Variants in PTH2R observed in about 807,000 individuals in gnomAD.
PTH2R encodes parathyroid hormone 2 receptor, also known as PTH2 receptor.
A neutral mutation model predicts 60.3 loss-of-function variants in PTH2R; 59 were observed. That is an observed-to-expected ratio of 0.98 (90% CI 0.79 to 1.22). The LOEUF is 1.22. PTH2R is among the 50% of genes most tolerant of loss of function. PTH2R has a pLI of 0.00. For synonymous variants in PTH2R, 256 were observed against 243.8 expected (o/e 1.05, Z -0.47); for missense variants, 749 against 682.6 (o/e 1.10, Z -1.08).
chr2:208,477,988 C>G (rs532516000), intron 9 of PTH2R, among the ~76,000 whole-genome samples: 24 of 60,354 alleles, frequency 4.0e-4, no homozygotes, highest in African/African-American at 7.4e-4. Context: ...AGCACTACTA[C>G]TAGTACTAGT....
chr2:208,373,339 A>G (rs889032738), intron 1 of PTH2R, among the ~76,000 whole-genome samples: 7 of 152,232 alleles, frequency 4.6e-5, no homozygotes, highest in African/African-American at 1.4e-4. Flanking sequence ...CTGAAAAATA[A>G]AAGCAATGAA....
chr2:208,451,765 A>G (rs1702412386), intron 8 of PTH2R, among the ~76,000 whole-genome samples: 2 of 152,174 alleles, frequency 1.3e-5, no homozygotes, highest in Non-Finnish European at 2.9e-5. Flanking sequence ...GGTAGCATGG[A>G]GCTAATTTAA....
chr2:208,456,314 A>C (rs1702514010), intron 8 of PTH2R, among the ~76,000 whole-genome samples: 1 of 152,220 alleles, frequency 6.6e-6, no homozygotes, highest in South Asian at 2.1e-4. Context: ...TAAATTAAAA[A>C]GTGAGCAATT....
intron 9 of PTH2R, among the ~76,000 whole-genome samples, chr2:208,461,023 G>T (rs757123201): frequency 1.3e-5 from 2 of 152,048 alleles, no homozygotes; most frequent in Non-Finnish European, 2.9e-5. Context: ...TAGGAAAAAT[G>T]CATAAAGAAA....
intron 1 of PTH2R, among the ~76,000 whole-genome samples, chr2:208,363,804 C>T (rs1700527653): frequency 2.0e-5 from 3 of 152,132 alleles, no homozygotes; most frequent in African/African-American, 7.2e-5. Flanking sequence ...TTGTTGGCCG[C>T]ATGTGTCTTC....
At chr2:208,438,778 T>TG (rs1191775925) in intron 4 of PTH2R, among the ~76,000 whole-genome samples, 1 of 151,884 alleles carries the variant, frequency 6.6e-6, no homozygotes, top group Non-Finnish European at 1.5e-5. Context: ...TTTGGGGAGG[T>TG]GGGGGGAGAA....
rs760647861 is a variant in PTH2R at position 208,490,680 on chromosome 2, G to A, written c.1257G>A (p.Glu419=). Residue 419 remains glutamate (E), a splice_region_variant and synonymous_variant, in exon 12 of 13, where the codon GAG becomes GAA. Transcript: ENST00000272847. ...TCATCTACTGCTACTGCAATGGAGA[G>A]GTAGGTTTGTAGGAACCTTGGACAG... The part of the protein sequence containing the change: ...VSIIYCYCNG[E]VQAEVKKMWS... 6.2e-7 allele frequency: 1 copy of A among 1,608,228 alleles called. No homozygotes were observed. The highest frequency in any genetic ancestry group is 1.1e-5 in the South Asian group (1 of 89,850).
chr2:208,376,432 A>G (rs1186797388), intron 1 of PTH2R, among the ~76,000 whole-genome samples: 2 of 152,124 alleles, frequency 1.3e-5, no homozygotes, highest in Non-Finnish European at 2.9e-5. Context: ...GTTGGCAAAT[A>G]TGTGATTTTC....
intron 1 of PTH2R, among the ~76,000 whole-genome samples, chr2:208,369,385 T>TA (rs1427195361): frequency 2.0e-5 from 3 of 151,086 alleles, no homozygotes; most frequent in African/African-American, 7.3e-5. Flanking sequence ...TTTTTTTTTT[T>TA]AGAAGGAATC....
chr2:208,409,224 C>A (rs968853973), intron 1 of PTH2R, among the ~76,000 whole-genome samples: 6 of 152,150 alleles, frequency 3.9e-5, no homozygotes, highest in Non-Finnish European at 7.3e-5. Context: ...AAGTGATTTA[C>A]ATTGACAAAC....
intron 1 of PTH2R, among the ~76,000 whole-genome samples, chr2:208,408,765 A>AGAGAGAGAGAGAGAGAGAGAGAG (rs58469801): frequency 1.1e-4 from 17 of 150,850 alleles, no homozygotes; most frequent in African/African-American, 2.7e-4. Context: ...AGAGAGAGAG[A>AGAGAGAGAGAGAGAGAGAGAGAG]AATAAATAAT....
intron 1 of PTH2R, among the ~76,000 whole-genome samples, chr2:208,424,667 C>CGACTGG (rs1701822708): frequency 1.3e-5 from 2 of 152,226 alleles, no homozygotes; most frequent in Admixed American, 1.3e-4. Flanking sequence ...AAGTGATTGG[C>CGACTGG]GACTGGGAGT....
intron 9 of PTH2R, among the ~76,000 whole-genome samples, chr2:208,462,044 T>G (rs562049052): frequency 6.6e-6 from 1 of 152,196 alleles, no homozygotes; most frequent in Non-Finnish European, 1.5e-5. Flanking sequence ...ATCTCAAAAA[T>G]CACAGCTGAG....
intron 1 of PTH2R, among the ~76,000 whole-genome samples, chr2:208,377,863 G>A (rs868485102): frequency 7.2e-5 from 11 of 151,842 alleles, no homozygotes; most frequent in South Asian, 6.2e-4. Flanking sequence ...ATGGTGGCCG[G>A]GAAGAGGCGC....
chr2:208,391,400 T>C (rs1253794897), intron 1 of PTH2R, among the ~76,000 whole-genome samples: 5 of 152,216 alleles, frequency 3.3e-5, no homozygotes, highest in East Asian at 3.8e-4. Context: ...TGTCTCTTGA[T>C]AGATAACCCA....
chr2:208,407,907 G>C (rs1008447991), intron 1 of PTH2R, among the ~76,000 whole-genome samples: 1 of 152,198 alleles, frequency 6.6e-6, no homozygotes, highest in Admixed American at 6.5e-5. Flanking sequence ...GGTGCACCTA[G>C]ACCGTCAAAT....
intron 1 of PTH2R, among the ~76,000 whole-genome samples, chr2:208,427,061 G>A (rs1400579203): frequency 3.9e-5 from 6 of 152,128 alleles, no homozygotes; most frequent in Non-Finnish European, 8.8e-5. Flanking sequence ...GAATATTTTC[G>A]AGTAAAAATG....
Position 208,437,568 on chromosome 2 carries a change from C to T in PTH2R, c.210C>T (p.Leu70=). The T allele has an allele frequency of 1.2e-6, 2 of 1,612,902 alleles. No individual in the cohort carries two copies. The highest frequency in any genetic ancestry group is 1.7e-6 in the Non-Finnish European group (2 of 1,179,476). The change falls in exon 3 of 13, where the codon CTC becomes CTT. Residue 70 remains leucine, a synonymous_variant. Coordinates refer to ENST00000272847, the MANE Select transcript of PTH2R (RefSeq NM_005048.4). ...EGNCFPEWDG[L]ICWPRGTVGK... ...ATTGTTTCCCTGAATGGGATGGACT[C>T]ATTTGTTGGCCCAGAGGAACAGTGG...
At chr2:208,420,498 C>T (rs1284269364) in intron 1 of PTH2R, among the ~76,000 whole-genome samples, 2 of 151,954 alleles carry the variant, frequency 1.3e-5, no homozygotes, top group East Asian at 3.8e-4. Context: ...TTTGACCTTA[C>T]TTTAGCTCAA....
Sources: allele counts gnomAD v4.1 joint callset (sites outside exome capture counted in the v4.1 genomes callset), GRCh38; gene constraint gnomAD v4.1.1; transcripts MANE v1.5; gene names NCBI Gene and HGNC (gene_info 2026-07-23, HGNC 2026-07-21).